The following GABPA variants were observed in gnomAD, a reference collection of about 807,000 sequenced individuals.
GABPA encodes GA-binding protein alpha chain.
GABPA carries 4 observed loss-of-function variants against 59.4 expected under a neutral mutation model. That is an observed-to-expected ratio of 0.07 (90% confidence interval 0.03 to 0.15). The LOEUF (loss-of-function observed/expected upper bound fraction) is 0.15. Among genes scored for constraint, GABPA ranks in the 10% least tolerant of loss-of-function variants. The probability of loss-of-function intolerance (pLI) is 1.00; values close to 1 mark genes in which losing one functional copy is unlikely to be tolerated. For synonymous variants in GABPA, 164 were observed against 183.1 expected (o/e 0.90, Z 0.84); for missense variants, 251 against 543.8 (o/e 0.46, Z 5.36).
intron 6 of GABPA, among the ~76,000 whole-genome samples, chr21:25,762,051 A>G (rs550066614): frequency 2.6e-5 from 4 of 152,330 alleles, no homozygotes; most frequent in Non-Finnish European, 4.4e-5. Context: ...TTAGAAAACC[A>G]TAGTTCTCTG....
chr21:25,766,787 A>G (rs185012465), intron 9 of GABPA, among the ~76,000 whole-genome samples: 2 of 152,000 alleles, frequency 1.3e-5, no homozygotes, highest in Non-Finnish European at 2.9e-5. Context: ...CAACTGTTTC[A>G]TACACATCAA....
chr21:25,744,872 T>G (rs1255797898), intron 2 of GABPA, among the ~76,000 whole-genome samples: 1 of 152,160 alleles, frequency 6.6e-6, no homozygotes, highest in Non-Finnish European at 1.5e-5. Context: ...CCTTTCTGGG[T>G]CTAAAATTCT....
At chr21:25,756,933 G>A (rs1050951862) in intron 5 of GABPA, among the ~76,000 whole-genome samples, 1 of 152,098 alleles carries the variant, frequency 6.6e-6, no homozygotes, top group Non-Finnish European at 1.5e-5. Context: ...TATTAATCCT[G>A]TATTCTTAGA....
chr21:25,768,880 A>G (rs1374608297), intron 9 of GABPA, 124 bp from the exon 10 acceptor site: 1 of 639,250 alleles, frequency 1.6e-6, no homozygotes, highest in African/African-American at 1.8e-5. Flanking sequence ...CATAGCTTCA[A>G]TATTAATTGC....
chr21:25,751,138 A>G (rs1383032922), intron 4 of GABPA, among the ~76,000 whole-genome samples: 1 of 152,114 alleles, frequency 6.6e-6, no homozygotes, highest in East Asian at 1.9e-4. Flanking sequence ...GTAAAGGGCT[A>G]ATTCCATTTT....
In GABPA at chr21:25,736,086, G is replaced by GT. The variant is rs146866971; in HGVS notation, c.-27+515dup. Among the ~76,000 whole-genome samples, 1,061 of 152,068 alleles carry GT rather than the reference G, an allele frequency of 7.0e-3. 17 individuals are homozygous for GT. Among genetic ancestry groups the GT allele is most frequent in the African/African-American group, 0.024 (991 of 41,520 alleles). Reference sequence around the variant, plus strand: ...GCGTATATGGTAGCCATCTGGGTTTGTTTTTTTGTTTTTAAGCAAGGAAGT... The same window carrying GT: ...GCGTATATGGTAGCCATCTGGGTTTGTTTTTTTTGTTTTTAAGCAAGGAAGT... On this transcript the variant is annotated intron_variant, in intron 1 of 9. Transcript: ENST00000400075.
chr21:25,768,914 A>G (rs1601161067), intron 9 of GABPA, 90 bp from the exon 10 acceptor site: 4 of 795,194 alleles, frequency 5.0e-6, no homozygotes, highest in Non-Finnish European at 6.3e-6. Flanking sequence ...GCAGTACTCT[A>G]CTAGGCTTCT....
At position 25,741,564 on chromosome 21, in the gene GABPA, C is replaced by T. The variant is rs2035222077; in HGVS notation, c.-26-9C>T. 1.4e-6 allele frequency: 2 copies of T among 1,436,922 alleles called. No homozygotes were observed. Among genetic ancestry groups the T allele is most frequent in the African/African-American group, 2.9e-5 (2 of 69,624 alleles). The allele number at this position is 1,436,922 out of a possible 1,614,324, so 89.0% of individuals were successfully genotyped here. On this transcript the variant is annotated splice_polypyrimidine_tract_variant and intron_variant, in intron 1 of 9. Transcript: ENST00000400075. ...AGTTTTAAAATATCTTAAAAAGTCA[C>T]TCTTGCAGGACTGATCCTTTGAAAT...
At chr21:25,741,935 CTTTA>C (rs958446358) in intron 2 of GABPA, among the ~76,000 whole-genome samples, 2 of 152,140 alleles carry the variant, frequency 1.3e-5, no homozygotes, top group African/African-American at 4.8e-5. Flanking sequence ...GCATTTGATT[CTTTA>C]TTCTTTTCCT....
Position 25,735,134 on chromosome 21 carries a change from TC to T in GABPA, c.-470del. ...CTTTTCTTCGCCTAATTTGACCCGT[TC>T]TTTTTCCCCTCCTTGAAACCTTGCT... On this transcript the variant is annotated 5_prime_UTR_variant, in exon 1 of 10. Transcript: ENST00000400075. 1.5e-6 allele frequency: 1 copy of T among 684,564 alleles called. No individual in the cohort carries two copies. The allele number at this position is 684,564 out of a possible 1,614,324, so 42.4% of individuals were successfully genotyped here.
intron 6 of GABPA, among the ~76,000 whole-genome samples, chr21:25,760,646 A>G (rs1307242806): frequency 6.6e-6 from 1 of 151,960 alleles, no homozygotes; most frequent in Non-Finnish European, 1.5e-5. Context: ...AGGCAAATGA[A>G]GTTCTCAGTT....
At chr21:25,753,517 A>G (rs1395360783) in intron 5 of GABPA, among the ~76,000 whole-genome samples, 3 of 152,244 alleles carry the variant, frequency 2.0e-5, no homozygotes, top group African/African-American at 7.2e-5. Flanking sequence ...AATAACTTAT[A>G]TGTATAGTGT....
chr21:25,746,397 C>T (rs1342191058), intron 3 of GABPA, among the ~76,000 whole-genome samples: 1 of 152,098 alleles, frequency 6.6e-6, no homozygotes, highest in Non-Finnish European at 1.5e-5. Flanking sequence ...TTATTCTTTA[C>T]TCCTTCCCCT....
chr21:25,752,318 T>C, intron 5 of GABPA, 84 bp downstream of exon 5: 2 of 1,318,222 alleles, frequency 1.5e-6, no homozygotes, highest in Non-Finnish European at 2.1e-6. Context: ...TTATAATCTA[T>C]TTTACATGTA....
At chr21:25,761,883 A>G (rs1482236053) in intron 6 of GABPA, among the ~76,000 whole-genome samples, 1 of 152,180 alleles carries the variant, frequency 6.6e-6, no homozygotes, top group Non-Finnish European at 1.5e-5. Context: ...GCTTTAGTCA[A>G]AAGTGGATGT....
At chr21:25,744,368 C>A (rs896326192) in intron 2 of GABPA, among the ~76,000 whole-genome samples, 1 of 152,058 alleles carries the variant, frequency 6.6e-6, no homozygotes, top group African/African-American at 2.4e-5. Flanking sequence ...AAAGTTTAAG[C>A]TATATACATT....
At chr21:25,762,477 T>G in intron 7 of GABPA, 112 bp downstream of exon 7, 2 of 677,928 alleles carry the variant, frequency 3.0e-6, no homozygotes, top group Non-Finnish European at 5.0e-6. Flanking sequence ...ACACACAAAA[T>G]ATCTTTTGTT....
At chr21:25,739,952 G>A (rs1361574633) in intron 1 of GABPA, among the ~76,000 whole-genome samples, 1 of 152,168 alleles carries the variant, frequency 6.6e-6, no homozygotes, top group Non-Finnish European at 1.5e-5. Context: ...CACTCTGGCC[G>A]TTGTATTGAC....
At chr21:25,755,317 C>T (rs1396048916) in intron 5 of GABPA, among the ~76,000 whole-genome samples, 1 of 151,102 alleles carries the variant, frequency 6.6e-6, no homozygotes, top group Non-Finnish European at 1.5e-5. Context: ...TGGTGGCATA[C>T]ACCAATATCC....
Sources: allele counts gnomAD v4.1 joint callset (sites outside exome capture counted in the v4.1 genomes callset), GRCh38; gene constraint gnomAD v4.1.1; transcripts MANE v1.5; gene names NCBI Gene and HGNC (gene_info 2026-07-23, HGNC 2026-07-21).